Variants in MYO16 observed in about 807,000 individuals in gnomAD.
MYO16 encodes the protein myosin XVI.
A neutral mutation model predicts 205.3 loss-of-function variants in MYO16; 94 were observed. That is an observed-to-expected ratio of 0.46 (90% CI 0.39 to 0.54). The LOEUF (loss-of-function observed/expected upper bound fraction) is 0.54. MYO16 is among the 20% of genes least tolerant of loss of function. MYO16 has a pLI of 0.00. For missense variants in MYO16, 2,315 were observed against 2,387.5 expected (o/e 0.97, Z 0.63); for synonymous variants, 988 against 954.0 (o/e 1.04, Z -0.66).
intron 24 of MYO16, chr13:109,049,049 A>G (rs1439603420): frequency 6.9e-6 from 1 of 145,422 alleles, no homozygotes; most frequent in Admixed American, 6.9e-5. Context: ...AAAATTTAGG[A>G]TTTACTGTCA....
chr13:109,126,460 A>G (rs1876255756), intron 30 of MYO16, among the ~76,000 whole-genome samples: 1 of 152,244 alleles, frequency 6.6e-6, no homozygotes, highest in Admixed American at 6.5e-5. Flanking sequence ...TTGCTAGCAC[A>G]TGATTACGTT....
chr13:108,590,866 C>T, the MYO16 span, among the ~76,000 whole-genome samples: 1 of 152,170 alleles, frequency 6.6e-6, no homozygotes, highest in Non-Finnish European at 1.5e-5. Flanking sequence ...CCCTTGATTT[C>T]AGAGATGCAG....
the MYO16 span, among the ~76,000 whole-genome samples, chr13:108,530,322 G>C: frequency 1.3e-5 from 2 of 152,210 alleles, no homozygotes; most frequent in Admixed American, 1.3e-4. Context: ...GAAAAAATGA[G>C]AGACTAAAAG....
chr13:109,106,381 G>C (rs887729766), intron 28 of MYO16, among the ~76,000 whole-genome samples: 1 of 152,162 alleles, frequency 6.6e-6, no homozygotes, highest in Non-Finnish European at 1.5e-5. Flanking sequence ...CTCTGGAACT[G>C]TGTATAGTTA....
intron 13 of MYO16, among the ~76,000 whole-genome samples, chr13:108,887,742 G>A (rs930905922): frequency 1.3e-5 from 2 of 152,170 alleles, no homozygotes; most frequent in Non-Finnish European, 2.9e-5. Context: ...TAGGATCTGC[G>A]GAATGACAGA....
chr13:108,671,418 G>C (rs1881984949), intron 2 of MYO16, among the ~76,000 whole-genome samples: 1 of 152,084 alleles, frequency 6.6e-6, no homozygotes, highest in African/African-American at 2.4e-5. Context: ...AGATATCGGA[G>C]GGAAATATCC....
In MYO16 at chr13:108,917,524, A is replaced by G. The variant is rs142127602; in HGVS notation, c.1925+7374A>G. Among the ~76,000 whole-genome samples the G allele has an allele frequency of 4.7e-3, 720 of 152,288 alleles. 11 individuals are homozygous for G. The highest frequency in any genetic ancestry group is 0.016 in the African/African-American group (682 of 41,556). ...ATTAGTAACTCTGGCCAAACTTATC[A>G]CCTTGATTTCCAGCTACTCATACAG... On this transcript the variant is annotated intron_variant, in intron 16 of 34. Coordinates refer to ENST00000457511, the MANE Select transcript of MYO16 (RefSeq NM_001198950.3).
At chr13:109,177,039 G>A (rs535082381) in intron 33 of MYO16, among the ~76,000 whole-genome samples, 1 of 152,298 alleles carries the variant, frequency 6.6e-6, no homozygotes, top group African/African-American at 2.4e-5. Flanking sequence ...ACATTTCCGC[G>A]AAGCGTCCTT....
intron 2 of MYO16, among the ~76,000 whole-genome samples, chr13:108,679,534 A>G (rs1291149190): frequency 2.6e-5 from 4 of 151,842 alleles, no homozygotes; most frequent in Admixed American, 2.0e-4. Flanking sequence ...AAGCATCTTT[A>G]TTATACGGGG....
At position 108,871,350 on chromosome 13, in the gene MYO16, G is replaced by GTA. The variant is rs1555307578; in HGVS notation, c.1425+5109_1425+5110insAT. On this transcript the variant is annotated intron_variant, in intron 12 of 34. Transcript: ENST00000457511. ...TGTGTGTGTGTGTGTGTGTGTGTGTGTGTGTGTGTGTGTCTGTGTGTTGGT... is the reference window on the plus strand; with the variant it reads ...TGTGTGTGTGTGTGTGTGTGTGTGTGTATGTGTGTGTGTGTCTGTGTGTTGGT... Among the ~76,000 whole-genome samples the GTA allele has an allele frequency of 2.8e-3, 418 of 147,326 alleles. 4 individuals are homozygous for GTA. The highest frequency in any genetic ancestry group is 0.012 in the East Asian group (60 of 4,972).
chr13:109,138,426 CATT>C (rs577978125), intron 31 of MYO16, among the ~76,000 whole-genome samples: 73 of 152,196 alleles, frequency 4.8e-4, no homozygotes, highest in Non-Finnish European at 9.6e-4. Flanking sequence ...TTTAATAAAA[CATT>C]ATTATAATTT....
At chr13:109,205,389 T>A (rs1880556122) in intron 34 of MYO16, among the ~76,000 whole-genome samples, 1 of 152,222 alleles carries the variant, frequency 6.6e-6, no homozygotes, top group African/African-American at 2.4e-5. Context: ...TTTGCTGCTT[T>A]CAAGTGACTG....
At chr13:108,629,109 A>T (rs774262130), upstream of MYO16, 1 of 152,182 alleles carries the variant, frequency 6.6e-6, no homozygotes, top group Non-Finnish European at 1.5e-5. Context: ...AGAATCCTAA[A>T]TTTTAAAGCT....
chr13:108,662,863 A>G (rs1273337052), intron 1 of MYO16, among the ~76,000 whole-genome samples: 2 of 152,134 alleles, frequency 1.3e-5, no homozygotes, highest in Non-Finnish European at 1.5e-5. Context: ...CACCCTCCCA[A>G]TGAATCCCTG....
At chr13:108,963,856 C>T (rs1223792105) in intron 19 of MYO16, among the ~76,000 whole-genome samples, 1 of 152,194 alleles carries the variant, frequency 6.6e-6, no homozygotes, top group Non-Finnish European at 1.5e-5. Context: ...AGTCACATGG[C>T]TCTAGGAACG....
At chr13:108,992,004 T>C (rs1014261494) in intron 20 of MYO16, among the ~76,000 whole-genome samples, 23 of 152,186 alleles carry the variant, frequency 1.5e-4, no homozygotes, top group African/African-American at 4.8e-4. Flanking sequence ...GGGAGTTTGT[T>C]GTACAGATTA....
At chr13:108,825,424 AAAAAG>A (rs1876199209) in intron 9 of MYO16, among the ~76,000 whole-genome samples, 1 of 151,192 alleles carries the variant, frequency 6.6e-6, no homozygotes, top group Admixed American at 6.6e-5. Flanking sequence ...AAAAAATAAA[AAAAAG>A]AAACAAAACA....
At chr13:108,874,101 C>T (rs1879207671) in intron 12 of MYO16, among the ~76,000 whole-genome samples, 1 of 152,194 alleles carries the variant, frequency 6.6e-6, no homozygotes, top group African/African-American at 2.4e-5. Context: ...GAAAAAATCA[C>T]ATACTTCACT....
At chr13:108,795,167 A>G (rs968743030) in intron 6 of MYO16, among the ~76,000 whole-genome samples, 1 of 149,376 alleles carries the variant, frequency 6.7e-6, no homozygotes, top group East Asian at 2.0e-4. Context: ...TTATAGTTGT[A>G]TAGGCTTCTA....
Sources: gnomAD v4.1 joint callset for allele counts (sites outside exome capture counted in the v4.1 genomes callset) on GRCh38, gnomAD v4.1.1 for gene constraint, MANE v1.5 for transcripts, NCBI Gene and HGNC (gene_info 2026-07-23, HGNC 2026-07-21) for gene names.